The following NCALD variants were observed in gnomAD, a reference collection of about 807,000 sequenced individuals.
The protein encoded by NCALD is neurocalcin delta.
A neutral mutation model predicts 18.6 loss-of-function variants in NCALD; 10 were observed. The observed-to-expected ratio is 0.54, with a 90% confidence interval of 0.33 to 0.91. NCALD has a LOEUF of 0.91. Ranked by LOEUF, NCALD falls within the 40% of genes least tolerant of loss-of-function variation. The probability of loss-of-function intolerance (pLI) is 0.03; values close to 1 mark genes in which losing one functional copy is unlikely to be tolerated. For synonymous variants in NCALD, 88 were observed against 87.4 expected, an observed-to-expected ratio of 1.01 and a Z score of -0.04; for missense variants, 184 against 247.6, an observed-to-expected ratio of 0.74 and a Z score of 1.72.
intron 1 of NCALD, among the ~76,000 whole-genome samples, chr8:101,745,466 G>C (rs549260695): frequency 3.4e-4 from 52 of 152,282 alleles, no homozygotes; most frequent in African/African-American, 1.3e-3. Context: ...AGATGTACTA[G>C]AGCCAAAGAA....
chr8:101,779,204 T>C (rs1222435088), intron 1 of NCALD, among the ~76,000 whole-genome samples: 1 of 151,984 alleles, frequency 6.6e-6, no homozygotes, highest in Non-Finnish European at 1.5e-5. Context: ...TGAAAATGAG[T>C]CTAAGAAAGG....
At position 102,090,172 on chromosome 8, in the gene NCALD, T is replaced by G. The variant is rs1271953820; in HGVS notation, c.-210+34065A>C. Among the ~76,000 whole-genome samples the G allele has an allele frequency of 4.6e-5, 7 of 152,192 alleles. 1 individual carries two copies. Among genetic ancestry groups the G allele is most frequent in the Non-Finnish European group, 1.0e-4 (7 of 68,044 alleles). ...TTTGGGTTGTATTTGCATAAATGTG[T>G]TATTGGTATGTGTTCCAAAATTATG... On this transcript the variant is annotated intron_variant, in intron 1 of 6. Transcript: ENST00000311028.
intron 3 of NCALD, among the ~76,000 whole-genome samples, chr8:101,893,123 G>T (rs1352271377): frequency 6.6e-6 from 1 of 151,648 alleles, no homozygotes; most frequent in Non-Finnish European, 1.5e-5. Flanking sequence ...GAAAGGTCAG[G>T]TTACCCACAA....
intron 1 of NCALD, among the ~76,000 whole-genome samples, chr8:101,721,510 T>C (rs1816354476): frequency 6.6e-6 from 1 of 152,210 alleles, no homozygotes; most frequent in Non-Finnish European, 1.5e-5. Flanking sequence ...CAGAACGCTA[T>C]TTTACACACT....
At chr8:101,921,337 A>G (rs139006627) in intron 2 of NCALD, among the ~76,000 whole-genome samples, 1 of 151,992 alleles carries the variant, frequency 6.6e-6, no homozygotes, top group Non-Finnish European at 1.5e-5. Flanking sequence ...TAAAATATCA[A>G]TAAATATGCA....
At chr8:101,763,973 CACACA>C (rs1221049991) in intron 1 of NCALD, among the ~76,000 whole-genome samples, 131 of 26,164 alleles carry the variant, frequency 5.0e-3, no homozygotes, top group African/African-American at 7.8e-3. Context: ...TCTCCACACA[CACACA>C]CACACACACA....
intron 4 of NCALD, among the ~76,000 whole-genome samples, chr8:101,847,906 C>T (rs1814933471): frequency 6.6e-6 from 1 of 152,092 alleles, no homozygotes. Flanking sequence ...TAACTTCAGG[C>T]ATTTACGCTC....
chr8:101,740,505 G>A (rs1051374713), intron 1 of NCALD, among the ~76,000 whole-genome samples: 4 of 152,152 alleles, frequency 2.6e-5, no homozygotes, highest in Non-Finnish European at 4.4e-5. Flanking sequence ...CACTCTGCAG[G>A]GTATCTCATG....
chr8:101,880,382 G>A (rs749664474), intron 4 of NCALD, among the ~76,000 whole-genome samples: 14 of 152,096 alleles, frequency 9.2e-5, no homozygotes, highest in Admixed American at 2.0e-4. Context: ...TCCCACTGGC[G>A]CCTCTCCCTC....
At chr8:101,857,602 G>T (rs950861573) in intron 4 of NCALD, among the ~76,000 whole-genome samples, 1 of 152,196 alleles carries the variant, frequency 6.6e-6, no homozygotes, top group African/African-American at 2.4e-5. Context: ...GCAGAGATTT[G>T]CATGCAGAAG....
chr8:101,693,894 C>T (rs1814864556), intron 2 of NCALD: 1 of 152,152 alleles, frequency 6.6e-6, no homozygotes, highest in Non-Finnish European at 1.5e-5. Context: ...CACCTGCCAT[C>T]AGAGCTCTGA....
intron 1 of NCALD, among the ~76,000 whole-genome samples, chr8:101,729,107 T>C (rs909144103): frequency 7.2e-5 from 11 of 152,260 alleles, no homozygotes; most frequent in Non-Finnish European, 1.5e-4. Context: ...CTAGGTCAAT[T>C]GTCTTTGATT....
At chr8:102,095,332 G>A (rs1199353399) in intron 1 of NCALD, among the ~76,000 whole-genome samples, 1 of 152,160 alleles carries the variant, frequency 6.6e-6, no homozygotes, top group Admixed American at 6.5e-5. Context: ...AGTGAGATGT[G>A]AATAAAGAAC....
At chr8:102,084,293 TGCA>T (rs1266051367) in intron 1 of NCALD, among the ~76,000 whole-genome samples, 3 of 152,218 alleles carry the variant, frequency 2.0e-5, no homozygotes, top group Non-Finnish European at 4.4e-5. Context: ...TGTATGAGTC[TGCA>T]GCAACTTCAC....
intron 1 of NCALD, among the ~76,000 whole-genome samples, chr8:101,725,530 G>A (rs1236520174): frequency 1.3e-5 from 2 of 152,178 alleles, no homozygotes; most frequent in East Asian, 3.8e-4. Context: ...TACCAAGAGG[G>A]CAGGGTGTAA....
intron 3 of NCALD, among the ~76,000 whole-genome samples, chr8:101,905,329 AT>A (rs1211764881): frequency 2.1e-5 from 3 of 146,094 alleles, no homozygotes; most frequent in African/African-American, 2.5e-5. Flanking sequence ...CCCTGGGGGT[AT>A]TTTTTTGACC....
At chr8:101,865,764 T>C (rs1815742204) in intron 4 of NCALD, among the ~76,000 whole-genome samples, 1 of 152,204 alleles carries the variant, frequency 6.6e-6, no homozygotes, top group South Asian at 2.1e-4. Context: ...TACCCTCCTT[T>C]ACTCAGTGTC....
Position 102,114,015 on chromosome 8 carries a change from C to G in NCALD, c.-210+10222G>C, listed in dbSNP as rs958609954. On this transcript the variant is annotated intron_variant, in intron 1 of 6. Coordinates refer to the NCALD transcript ENST00000311028. Reference sequence around the variant, plus strand: ...AGGGGGTCACTCCGTAGAACTAATGCTAAAAGCAGCAATGCTTCTCGAGCA... The same window carrying G: ...AGGGGGTCACTCCGTAGAACTAATGGTAAAAGCAGCAATGCTTCTCGAGCA... Among the ~76,000 whole-genome samples, 3 of 152,338 alleles carry G rather than the reference C, an allele frequency of 2.0e-5. No homozygotes were observed. The South Asian group carries it at 6.2e-4, about 32-fold the overall frequency.
intron 3 of NCALD, among the ~76,000 whole-genome samples, chr8:101,892,431 C>A (rs1586705410): frequency 1.3e-5 from 2 of 149,238 alleles, no homozygotes; most frequent in African/African-American, 5.1e-5. Context: ...AACAGAAAAA[C>A]TGGAAACTCT....
Sources: gnomAD v4.1 joint callset for allele counts (sites outside exome capture counted in the v4.1 genomes callset) on GRCh38, gnomAD v4.1.1 for gene constraint, MANE v1.5 for transcripts, NCBI Gene and HGNC (gene_info 2026-07-23, HGNC 2026-07-21) for gene names.